The following DNMT1 variants were observed in gnomAD, a reference collection of about 807,000 sequenced individuals.
DNMT1 encodes the protein DNA methyltransferase 1, also known as DNA (cytosine-5)-methyltransferase 1.
DNMT1 carries 24 observed loss-of-function variants against 205.3 expected under a neutral mutation model. The ratio of observed to expected loss-of-function variants is 0.12; its 90% CI spans 0.08 to 0.16. DNMT1 has a LOEUF of 0.16. Among genes scored for constraint, DNMT1 ranks in the 10% least tolerant of loss-of-function variants. The pLI, the probability that DNMT1 is intolerant of heterozygous loss-of-function variation, is 1.00. For synonymous variants in DNMT1, 817 were observed against 839.8 expected, an observed-to-expected ratio of 0.97 and a Z score of 0.47; for missense variants, 1,293 against 2,177.7, an observed-to-expected ratio of 0.59 and a Z score of 8.09.
intron 1 of DNMT1, among the ~76,000 whole-genome samples, chr19:10,183,174 G>A (rs1442862287): frequency 2.0e-5 from 3 of 149,434 alleles, no homozygotes; most frequent in Non-Finnish European, 4.4e-5. Flanking sequence ...AGGCTGGAGT[G>A]CAATGGTGTG....
At chr19:10,136,316 AGTTGTGG>A (rs763742142) in intron 37 of DNMT1, 29 bp from the exon 38 acceptor site, 19 of 1,612,590 alleles carry the variant, frequency 1.2e-5, no homozygotes, top group Non-Finnish European at 1.5e-5. Context: ...ATGAGGCTGC[AGTTGTGG>A]GATGGGGTAT....
intron 29 of DNMT1, among the ~76,000 whole-genome samples, chr19:10,142,655 C>G (rs929409835): frequency 1.3e-5 from 2 of 151,126 alleles, no homozygotes; most frequent in Non-Finnish European, 3.0e-5. Context: ...TAAAGACCCC[C>G]CAGTTATGGA....
At chr19:10,164,422 C>T (rs1417850386) in intron 11 of DNMT1, among the ~76,000 whole-genome samples, 1 of 152,108 alleles carries the variant, frequency 6.6e-6, no homozygotes, top group Non-Finnish European at 1.5e-5. Flanking sequence ...GGATTATAGG[C>T]GTGAGACACC....
chr19:10,178,155 G>A (rs2038971040), intron 5 of DNMT1, among the ~76,000 whole-genome samples: 1 of 149,816 alleles, frequency 6.7e-6, no homozygotes, highest in Admixed American at 6.7e-5. Context: ...TCCTCAGGAG[G>A]CTGAGGCAAA....
chr19:10,169,838 G>A (rs1417588230), intron 9 of DNMT1, among the ~76,000 whole-genome samples: 1 of 152,226 alleles, frequency 6.6e-6, no homozygotes, highest in Non-Finnish European at 1.5e-5. Context: ...GCTTACAGGT[G>A]AGGGATTTCG....
At chr19:10,145,833 T>C (rs1042180473) in intron 28 of DNMT1, among the ~76,000 whole-genome samples, 1 of 152,108 alleles carries the variant, frequency 6.6e-6, no homozygotes, top group African/African-American at 2.4e-5. Flanking sequence ...TCTTTTTTTT[T>C]CTTTTTTTAT....
chr19:10,162,632 AAAAAAAAAGAAAGAAAG>A lies in DNMT1; in HGVS notation c.1008+18_1008+34del, dbSNP rs932611783. 3.2e-6 allele frequency: 5 copies of A among 1,561,210 alleles called. No individual in the cohort carries two copies. In the African/African-American group the frequency reaches 6.9e-5, roughly 22 times the overall value. The stretch of plus-strand genomic sequence containing the variant: ...ACCCCGTCTTGGGGAAAAAAAAAAA[AAAAAAAAAGAAAGAAAG>A]AAAAGTGAGACCTTTACCTTTTCAT... On this transcript the variant is annotated intron_variant, in intron 13 of 40. Coordinates refer to ENST00000359526, the MANE Select transcript of DNMT1 (RefSeq NM_001130823.3).
chr19:10,185,278 A>T (rs189098560), intron 1 of DNMT1, among the ~76,000 whole-genome samples: 275 of 152,150 alleles, frequency 1.8e-3, no homozygotes, highest in African/African-American at 6.1e-3. Flanking sequence ...ACAAAAAATT[A>T]GCCAGGCGTG....
rs376295714 is a variant in DNMT1 at position 10,137,720 on chromosome 19, G to A, written c.4293+112C>T. ...CACAAAGGCTGAGGACTCGGGAGGA[G>A]GAGCCTGGGATCAGATTCCATGTCT... is the stretch of plus-strand genomic sequence containing the variant. On this transcript the variant is annotated intron_variant, in intron 36 of 40. Coordinates refer to ENST00000359526, the MANE Select transcript of DNMT1 (RefSeq NM_001130823.3). The surrounding 1 kb of genome is among the most constrained non-coding windows in gnomAD (Gnocchi z 6.4). 7.0e-6 allele frequency: 10 copies of A among 1,422,740 alleles called. No individual in the cohort carries two copies. The East Asian group carries it at 1.7e-4, about 25-fold the overall frequency. 88.1% of individuals were successfully genotyped at this position (1,422,740 alleles called of 1,614,324 possible).
chr19:10,133,745 G>T lies in DNMT1; in HGVS notation c.4865-44C>A. Reference sequence around the variant, plus strand: ...AAAAGTCACTCTGGGGAACACGCCCGGTGTCACGCCACTTGACAGGCGAGT... The same window carrying T: ...AAAAGTCACTCTGGGGAACACGCCCTGTGTCACGCCACTTGACAGGCGAGT... On this transcript the variant is annotated intron_variant, in intron 40 of 40. Coordinates refer to ENST00000359526, the MANE Select transcript of DNMT1 (RefSeq NM_001130823.3). This position sits in a 1 kb window ranked among gnomAD's most constrained non-coding sequence, Gnocchi z 4.1. 1 of 1,561,028 alleles carries T rather than the reference G, an allele frequency of 6.4e-7. No homozygotes were observed.
chr19:10,141,504 G>A (rs2089599740), intron 30 of DNMT1: 1 of 413,792 alleles, frequency 2.4e-6, no homozygotes, highest in South Asian at 2.2e-5. Context: ...CTGGGAGAAC[G>A]TGGATGTATC....
rs2038523550 is a variant in DNMT1, at chr19:10,159,534, G to A, written c.1280+124C>T. ...CTCCACGGTGGCTCTTATCCACGAA[G>A]TGTTAGCTTAAGACATGTTGCAGGT... is the stretch of plus-strand genomic sequence containing the variant. On this transcript the variant is annotated intron_variant, in intron 17 of 40. Transcript: ENST00000359526. The surrounding 1 kb of genome is among the most constrained non-coding windows in gnomAD (Gnocchi z 5.0). 2 of 1,009,580 alleles carry A rather than the reference G, an allele frequency of 2.0e-6. No homozygotes were observed. Among genetic ancestry groups the A allele is most frequent in the Admixed American group, 4.0e-5 (2 of 50,338 alleles). The allele number at this position is 1,009,580 out of a possible 1,614,324, so 62.5% of individuals were successfully genotyped here.
chr19:10,142,961 A>G (rs2089631761), intron 29 of DNMT1: 2 of 153,738 alleles, frequency 1.3e-5, no homozygotes, highest in South Asian at 2.0e-4. Context: ...CAAAGGCTTC[A>G]GGAAATCTTT....
At position 10,154,825 on chromosome 19, in the gene DNMT1, A is replaced by C; in HGVS notation, c.1645-52T>G. The C allele has an allele frequency of 6.2e-7, 1 of 1,614,208 alleles. No individual in the cohort carries two copies. The highest frequency in any genetic ancestry group is 8.5e-7 in the Non-Finnish European group (1 of 1,180,030). On this transcript the variant is annotated intron_variant, in intron 20 of 40. Transcript: ENST00000359526. The surrounding 1 kb of genome is among the most constrained non-coding windows in gnomAD (Gnocchi z 6.3). ...GCTTAAGCCAAACTGGCCTAAATCC[A>C]ACTGAAGAACAGTGTCTGCTGGTTC...
At position 10,160,115 on chromosome 19, in the gene DNMT1, T is replaced by C. The variant is rs1307477893; in HGVS notation, c.1044-52A>G. 5 of 1,606,864 alleles carry C rather than the reference T, an allele frequency of 3.1e-6. No individual in the cohort carries two copies. In the South Asian group the frequency reaches 5.5e-5, roughly 18 times the overall value. ...TCGTTTGTTTAATTGTTTCAGAAAA[T>C]ATCAAAATCGCCCCTGTGAGGTTTC... On this transcript the variant is annotated intron_variant, in intron 14 of 40. Transcript: ENST00000359526.
At chr19:10,172,330 C>T (rs968977015) in intron 9 of DNMT1, among the ~76,000 whole-genome samples, 6 of 146,684 alleles carry the variant, frequency 4.1e-5, no homozygotes, top group African/African-American at 5.1e-5. Flanking sequence ...CACAAGAACC[C>T]GGGAGGCAGA....
chr19:10,148,805 C>A, intron 27 of DNMT1, 79 bp downstream of exon 27: 2 of 1,610,854 alleles, frequency 1.2e-6, no homozygotes, highest in Non-Finnish European at 1.7e-6. Flanking sequence ...CGGAAGCCAA[C>A]CAGACGGAAG....
Position 10,135,784 on chromosome 19 carries a change from G to A in DNMT1, c.4725C>T (p.Phe1575=). 1 of 1,597,312 alleles carries A rather than the reference G, an allele frequency of 6.3e-7. No individual in the cohort carries two copies. Among genetic ancestry groups the A allele is most frequent in the Non-Finnish European group, 8.5e-7 (1 of 1,173,380 alleles). The change falls in exon 39 of 41, where the codon TTC becomes TTT. Residue 1575 remains phenylalanine, a synonymous_variant. Coordinates refer to ENST00000359526, the MANE Select transcript of DNMT1 (RefSeq NM_001130823.3). ...SVRECARSQG[F]PDTYRLFGNI... ...TGCCGAAGAGCCGGTAGGTGTCAGG[G>A]AAGCCCTGGGAGCGGGCACACTCCC...
rs1312709316 is a variant in DNMT1 at position 10,140,140 on chromosome 19, C to T, written c.3712G>A (p.Gly1238Ser). ...CTGAAGCCCTGGCAGGGCGGCCCGC[C>T]GCACAGCATCTCCACGTCTCCCTTC... ...PQKGDVEMLC[G>S]GPPCQGFSGM... The change falls in exon 33 of 41, where the codon GGC becomes AGC. Residue 1238 changes from glycine to serine, a missense_variant. Around this residue, in one of 13 missense-constraint regions of DNMT1, gnomAD observed 38 missense variants for 141.1 expected, o/e 0.27. Coordinates refer to ENST00000359526, the MANE Select transcript of DNMT1 (RefSeq NM_001130823.3). This position sits in a 1 kb window ranked among gnomAD's most constrained non-coding sequence, Gnocchi z 8.4. The T allele has an allele frequency of 6.2e-7, 1 of 1,613,950 alleles. No homozygotes were observed. The highest frequency in any genetic ancestry group is 8.5e-7 in the Non-Finnish European group (1 of 1,180,042).
Sources: gnomAD v4.1 joint callset for allele counts (sites outside exome capture counted in the v4.1 genomes callset) on GRCh38, gnomAD v4.1.1 for gene constraint, gnomAD v4.1.1 regional missense constraint, Gnocchi (gnomAD v3.1) non-coding constraint, MANE v1.5 for transcripts, NCBI Gene and HGNC (gene_info 2026-07-23, HGNC 2026-07-21) for gene names.